NPC1: variants seen among roughly 807,000 people sequenced by gnomAD.
The protein encoded by NPC1 is NPC intracellular cholesterol transporter 1.
Under a neutral mutation model 140.4 loss-of-function variants are expected in NPC1, and 85 were observed. That is an observed-to-expected ratio of 0.61 (90% CI 0.51 to 0.72). The LOEUF (loss-of-function observed/expected upper bound fraction) is 0.72, where lower values mean the gene tolerates loss of function less well. Among genes scored for constraint, NPC1 ranks in the 30% least tolerant of loss-of-function variants. The pLI, the probability that NPC1 is intolerant of heterozygous loss-of-function variation, is 0.00. For synonymous variants in NPC1, 656 were observed against 624.8 expected, an observed-to-expected ratio of 1.05 and a Z score of -0.74; for missense variants, 1,504 against 1,623.8, an observed-to-expected ratio of 0.93 and a Z score of 1.27.
At chr18:23,523,811 A>G (rs1181290658) in intron 1 of NPC1, among the ~76,000 whole-genome samples, 2 of 152,218 alleles carry the variant, frequency 1.3e-5, no homozygotes, top group African/African-American at 2.4e-5. Context: ...GAATCCTTCA[A>G]GTAAATTTCT....
intron 18 of NPC1, 132 bp from the exon 19 acceptor site, chr18:23,539,602 C>A: frequency 1.3e-6 from 1 of 791,554 alleles, no homozygotes; most frequent in South Asian, 1.7e-5. Flanking sequence ...ACTACATGAG[C>A]ACTTAATGAA....
downstream of NPC1, chr18:23,529,288 T>C (rs550746772): frequency 1.6e-5 from 25 of 1,610,354 alleles, 1 homozygote; most frequent in South Asian, 2.8e-4. Flanking sequence ...TCAGCCTTTG[T>C]GGAAAAGAAG....
chr18:23,517,455 G>A (rs1458158121), downstream of NPC1, among the ~76,000 whole-genome samples: 1 of 151,960 alleles, frequency 6.6e-6, no homozygotes, highest in Admixed American at 6.6e-5. Context: ...GCAGTACGGA[G>A]GTATATTTTC....
At chr18:23,555,756 T>C (rs2058941064) in intron 8 of NPC1, among the ~76,000 whole-genome samples, 1 of 152,068 alleles carries the variant, frequency 6.6e-6, no homozygotes, top group Admixed American at 6.5e-5. Flanking sequence ...TGGGTGCCCA[T>C]GTTCAGGCAG....
At chr18:23,526,734 C>T (rs756512026), downstream of NPC1, 5 of 1,614,104 alleles carry the variant, frequency 3.1e-6, no homozygotes, top group Non-Finnish European at 4.2e-6. Flanking sequence ...GAAAGGAATG[C>T]AAGATGGTCA....
At chr18:23,528,215 A>C (rs533579174), downstream of NPC1, 1 of 206,840 alleles carries the variant, frequency 4.8e-6, no homozygotes, top group East Asian at 1.2e-4. Flanking sequence ...TCTGCTTTGC[A>C]ATATTTTGTA....
At chr18:23,536,623 A>T in intron 21 of NPC1, 50 bp downstream of exon 21, 3 of 1,519,410 alleles carry the variant, frequency 2.0e-6, no homozygotes, top group Non-Finnish European at 2.7e-6. Context: ...ACTCCCACCC[A>T]GTGTAGGCCC....
chr18:23,544,157 A>G lies in NPC1; in HGVS notation c.2130+187T>C, dbSNP rs142167469. 1.2e-3 allele frequency among the ~76,000 whole-genome samples: 190 copies of G among 152,246 alleles called. 2 individuals are homozygous for G. Among genetic ancestry groups the G allele is most frequent in the Admixed American group, 8.1e-3 (123 of 15,278 alleles). ...TTACTTTATATCTACTATTTCAACAACCAAAAAGAGGGGTGAAATTCTTGG... is the reference window on the plus strand; with the variant it reads ...TTACTTTATATCTACTATTTCAACAGCCAAAAAGAGGGGTGAAATTCTTGG... On this transcript the variant is annotated intron_variant, in intron 13 of 24. Coordinates refer to ENST00000269228, the MANE Select transcript of NPC1 (RefSeq NM_000271.5).
downstream of NPC1, chr18:23,526,880 T>C (rs976082188): frequency 3.0e-5 from 41 of 1,387,008 alleles, no homozygotes; most frequent in Admixed American, 2.5e-4. Context: ...CACAGCCTCA[T>C]TCTTTATGTG....
chr18:23,510,988 A>G (rs895611343), intron 3 of NPC1, among the ~76,000 whole-genome samples: 5 of 152,242 alleles, frequency 3.3e-5, no homozygotes. Flanking sequence ...TAATATGCAG[A>G]GGAATATAAA....
intron 4 of NPC1, among the ~76,000 whole-genome samples, chr18:23,568,049 A>C (rs1282112332): frequency 6.6e-6 from 1 of 152,116 alleles, no homozygotes; most frequent in Non-Finnish European, 1.5e-5. Flanking sequence ...GGGATTTTTA[A>C]TCTACACAAT....
At chr18:23,527,223 C>CA (rs386387173), downstream of NPC1, among the ~76,000 whole-genome samples, 6,508 of 43,632 alleles carry the variant, frequency 0.15, 873 homozygotes, top group African/African-American at 0.28. Flanking sequence ...CCTGTCTCTA[C>CA]AAAAAAAAAA....
chr18:23,528,856 A>C, downstream of NPC1: 1 of 202,616 alleles, frequency 4.9e-6, no homozygotes, highest in Non-Finnish European at 1.0e-5. Context: ...CCCCACAGCT[A>C]TTGCATAATC....
chr18:23,586,492 G>C lies in NPC1; in HGVS notation c.-149C>G. 7.0e-7 allele frequency: 1 copy of C among 1,421,930 alleles called. No individual in the cohort carries two copies. The highest frequency in any genetic ancestry group is 9.1e-7 in the Non-Finnish European group (1 of 1,095,750). The allele number at this position is 1,421,930 out of a possible 1,614,324, so 88.1% of individuals were successfully genotyped here. On this transcript the variant is annotated 5_prime_UTR_variant, in exon 1 of 25. Transcript: ENST00000269228. ...CGCTGACCGCGGCAGCAGGCTGCGC[G>C]CGCCGGTCAGGAAGGAAGAAGGCGT... is the stretch of plus-strand genomic sequence containing the variant.
chr18:23,584,650 G>A (rs2059394210), intron 1 of NPC1, among the ~76,000 whole-genome samples: 1 of 152,180 alleles, frequency 6.6e-6, no homozygotes, highest in African/African-American at 2.4e-5. Context: ...CTAGAGGTCA[G>A]GATTTCGAGA....
At chr18:23,507,417 A>G (rs8083834) in intron 3 of NPC1, among the ~76,000 whole-genome samples, 1,762 of 152,154 alleles carry the variant, frequency 0.012, 37 homozygotes, top group African/African-American at 0.04. Context: ...TTGGAACTTC[A>G]TGTGTCTTTT....
intron 9 of NPC1, among the ~76,000 whole-genome samples, chr18:23,554,385 C>T (rs931456888): frequency 2.0e-5 from 3 of 152,120 alleles, no homozygotes; most frequent in Admixed American, 1.3e-4. Context: ...GTGGGCGGAT[C>T]GCCTGAGGTC....
At chr18:23,564,847 T>C (rs1454388344) in intron 4 of NPC1, among the ~76,000 whole-genome samples, 1 of 152,182 alleles carries the variant, frequency 6.6e-6, no homozygotes, top group East Asian at 1.9e-4. Flanking sequence ...CTTTAACATA[T>C]GGTGTGAAGT....
At chr18:23,527,071 A>G (rs1244505880), downstream of NPC1, among the ~76,000 whole-genome samples, 4 of 150,514 alleles carry the variant, frequency 2.7e-5, no homozygotes, top group South Asian at 2.1e-4. Context: ...CACTCACTGC[A>G]TATGTGTCTT....
Sources: allele counts gnomAD v4.1 joint callset (sites outside exome capture counted in the v4.1 genomes callset), GRCh38; gene constraint gnomAD v4.1.1; transcripts MANE v1.5; gene names NCBI Gene and HGNC (gene_info 2026-07-23, HGNC 2026-07-21).